HS3ST3A1: variants seen among roughly 807,000 people sequenced by gnomAD.
HS3ST3A1 encodes heparan sulfate glucosamine 3-O-sulfotransferase 3A1.
In HS3ST3A1, 19 loss-of-function variants were observed where a neutral mutation model predicts 25.7. The ratio of observed to expected loss-of-function variants is 0.74; its 90% CI spans 0.52 to 1.08. The LOEUF (loss-of-function observed/expected upper bound fraction) is 1.08, where lower values mean the gene tolerates loss of function less well. HS3ST3A1 is among the 50% of genes least tolerant of loss of function. The pLI is 0.00. For synonymous variants in HS3ST3A1, 226 were observed against 278.6 expected (o/e 0.81, Z 1.88); for missense variants, 459 against 594.3 (o/e 0.77, Z 2.37).
At chr17:13,501,035 C>T (rs1598406335) in intron 1 of HS3ST3A1, among the ~76,000 whole-genome samples, 1 of 152,198 alleles carries the variant, frequency 6.6e-6, no homozygotes, top group South Asian at 2.1e-4. Flanking sequence ...TATGAGTTCA[C>T]TTATATGATA....
chr17:13,587,529 C>T (rs1307948698), intron 1 of HS3ST3A1, among the ~76,000 whole-genome samples: 2 of 152,186 alleles, frequency 1.3e-5, no homozygotes, highest in African/African-American at 2.4e-5. Context: ...TCCTCACCTG[C>T]ACAGACAGAT....
rs1324731411 is a variant in HS3ST3A1, at chr17:13,501,486, T to C, written c.600-4668A>G. 3.7e-5 allele frequency among the ~76,000 whole-genome samples: 5 copies of C among 136,030 alleles called. No homozygotes were observed. The East Asian group carries it at 1.1e-3, about 31-fold the overall frequency. 89.2% of individuals were successfully genotyped at this position (136,030 alleles called of 152,430 possible). On this transcript the variant is annotated intron_variant, in intron 1 of 1. Coordinates refer to ENST00000284110, the MANE Select transcript of HS3ST3A1 (RefSeq NM_006042.3). Reference sequence around the variant, plus strand: ...TTACGGCTAATTAAACATTACAAGGTACTGCTGAAGGGGGCTCTGGTTTTG... The same window carrying C: ...TTACGGCTAATTAAACATTACAAGGCACTGCTGAAGGGGGCTCTGGTTTTG...
chr17:13,562,426 T>TG (rs1011551616), intron 1 of HS3ST3A1, among the ~76,000 whole-genome samples: 4 of 151,914 alleles, frequency 2.6e-5, no homozygotes, highest in South Asian at 2.1e-4. Context: ...GGACAGCGGG[T>TG]GGGGGGGAAA....
intron 1 of HS3ST3A1, among the ~76,000 whole-genome samples, chr17:13,537,268 G>A (rs150144090): frequency 1.3e-5 from 2 of 152,290 alleles, no homozygotes; most frequent in African/African-American, 4.8e-5. Context: ...AAATAGAGTG[G>A]ACTTCATTCA....
intron 1 of HS3ST3A1, among the ~76,000 whole-genome samples, chr17:13,526,195 T>C (rs1419193611): frequency 1.3e-5 from 2 of 151,980 alleles, no homozygotes; most frequent in Non-Finnish European, 2.9e-5. Flanking sequence ...GGTTTGCAGA[T>C]GGTCCCTTCT....
rs1341534269 is a variant in HS3ST3A1, at chr17:13,601,225, C to G, written c.-96G>C. 3.3e-6 allele frequency: 3 copies of G among 921,630 alleles called. No individual in the cohort carries two copies. Among genetic ancestry groups the G allele is most frequent in the Non-Finnish European group, 3.1e-6 (2 of 655,416 alleles). The allele number at this position is 921,630 out of a possible 1,614,324, so 57.1% of individuals were successfully genotyped here. On this transcript the variant is annotated 5_prime_UTR_variant, in exon 1 of 2. Coordinates refer to ENST00000284110, the MANE Select transcript of HS3ST3A1 (RefSeq NM_006042.3). Reference sequence around the variant, plus strand: ...CCCCCCGGCGGGCCAGCGCGCTGGACGGAGGCCACATCGCCGTGCGCCCCT... The same window carrying G: ...CCCCCCGGCGGGCCAGCGCGCTGGAGGGAGGCCACATCGCCGTGCGCCCCT...
At chr17:13,572,696 C>T (rs1171928835) in intron 1 of HS3ST3A1, among the ~76,000 whole-genome samples, 1 of 152,168 alleles carries the variant, frequency 6.6e-6, no homozygotes, top group East Asian at 1.9e-4. Flanking sequence ...ATCTTCACAC[C>T]CATGCTTTTA....
intron 1 of HS3ST3A1, among the ~76,000 whole-genome samples, chr17:13,552,614 T>C (rs1305847621): frequency 6.6e-6 from 1 of 152,212 alleles, no homozygotes; most frequent in East Asian, 1.9e-4. Flanking sequence ...AGAATCCCCA[T>C]GTATACAGAA....
intron 1 of HS3ST3A1, among the ~76,000 whole-genome samples, chr17:13,509,386 A>AT (rs1905788107): frequency 6.6e-6 from 1 of 152,244 alleles, no homozygotes; most frequent in Admixed American, 6.5e-5. Flanking sequence ...AAGCACAAGA[A>AT]TGAAAAAGTG....
intron 1 of HS3ST3A1, among the ~76,000 whole-genome samples, chr17:13,551,347 CAATA>C (rs71144973): frequency 0.16 from 22,648 of 141,052 alleles, 1,910 homozygotes; most frequent in African/African-American, 0.2. Context: ...GACTCCATCT[CAATA>C]AATAAATAAA....
intron 1 of HS3ST3A1, among the ~76,000 whole-genome samples, chr17:13,587,531 C>T (rs1440200911): frequency 1.3e-5 from 2 of 152,304 alleles, no homozygotes; most frequent in East Asian, 1.9e-4. Flanking sequence ...CTCACCTGCA[C>T]AGACAGATGA....
intron 1 of HS3ST3A1, among the ~76,000 whole-genome samples, chr17:13,507,899 C>A (rs1003290781): frequency 1.3e-5 from 2 of 152,164 alleles, no homozygotes; most frequent in Middle Eastern, 3.2e-3. Context: ...GCTGTCAGCT[C>A]GCCATCCCTT....
At position 13,554,494 on chromosome 17, in the gene HS3ST3A1, C is replaced by T. The variant is rs150699909; in HGVS notation, c.599+46037G>A. Among the ~76,000 whole-genome samples, 12 of 152,312 alleles carry T rather than the reference C, an allele frequency of 7.9e-5. No homozygotes were observed. The East Asian group carries it at 1.2e-3, about 15-fold the overall frequency. On this transcript the variant is annotated intron_variant, in intron 1 of 1. Transcript: ENST00000284110. The stretch of plus-strand genomic sequence containing the variant: ...ATTACCAGAGCTGACATCTGACAGC[C>T]GCTAGGCCCTGTGCGGTGCTGATAT...
At chr17:13,555,559 T>C (rs1907349737) in intron 1 of HS3ST3A1, among the ~76,000 whole-genome samples, 1 of 152,186 alleles carries the variant, frequency 6.6e-6, no homozygotes, top group Non-Finnish European at 1.5e-5. Flanking sequence ...AAAACCATCC[T>C]AGACTTGATT....
At chr17:13,550,938 G>A (rs1349335107) in intron 1 of HS3ST3A1, among the ~76,000 whole-genome samples, 3 of 151,776 alleles carry the variant, frequency 2.0e-5, no homozygotes, top group Non-Finnish European at 2.9e-5. Flanking sequence ...ATGGTGGCAG[G>A]TGCCTGTAGC....
chr17:13,494,400 A>C lies in HS3ST3A1; in HGVS notation c.*1797T>G, dbSNP rs1368709992. ...AATGACAAAATATCTAACACTTAAA[A>C]TATTTTTTCCTTCATTTTAATCCTG... On this transcript the variant is annotated 3_prime_UTR_variant, in exon 2 of 2. Transcript: ENST00000284110. 1.3e-5 allele frequency among the ~76,000 whole-genome samples: 2 copies of C among 152,222 alleles called. No individual in the cohort carries two copies. The highest frequency in any genetic ancestry group is 4.8e-5 in the African/African-American group (2 of 41,472).
intron 1 of HS3ST3A1, among the ~76,000 whole-genome samples, chr17:13,575,668 G>A (rs949116323): frequency 2.5e-4 from 38 of 152,204 alleles, no homozygotes; most frequent in African/African-American, 8.9e-4. Flanking sequence ...TAAGAAGGGA[G>A]GGAAATTGTA....
intron 1 of HS3ST3A1, among the ~76,000 whole-genome samples, chr17:13,503,848 T>C (rs1308469648): frequency 1.3e-5 from 2 of 152,204 alleles, no homozygotes. Flanking sequence ...AGCCATTTCA[T>C]GGCCAGGGCT....
intron 1 of HS3ST3A1, among the ~76,000 whole-genome samples, chr17:13,562,095 CTA>C (rs1907565006): frequency 6.6e-6 from 1 of 152,138 alleles, no homozygotes; most frequent in Admixed American, 6.5e-5. Context: ...CAATACCTGA[CTA>C]TGTGAATAAA....
Sources: gnomAD v4.1 joint callset for allele counts (sites outside exome capture counted in the v4.1 genomes callset) on GRCh38, gnomAD v4.1.1 for gene constraint, MANE v1.5 for transcripts, NCBI Gene and HGNC (gene_info 2026-07-23, HGNC 2026-07-21) for gene names.